Variants in DNAJC16 observed in about 807,000 individuals in gnomAD.
The protein encoded by DNAJC16 is dnaJ homolog subfamily C member 16.
DNAJC16 carries 76 observed loss-of-function variants against 92.7 expected under a neutral mutation model. The ratio of observed to expected loss-of-function variants is 0.82; its 90% CI spans 0.68 to 0.99. The LOEUF (loss-of-function observed/expected upper bound fraction) is 0.99. DNAJC16 is among the 50% of genes least tolerant of loss of function. DNAJC16 has a pLI of 0.00. For missense variants in DNAJC16, 869 were observed against 942.4 expected (o/e 0.92, Z 1.02); for synonymous variants, 328 against 358.7 (o/e 0.91, Z 0.97).
At chr1:15,537,974 G>A (rs113840572) in intron 4 of DNAJC16, among the ~76,000 whole-genome samples, 1,749 of 152,294 alleles carry the variant, frequency 0.011, 40 homozygotes, top group African/African-American at 0.039. Flanking sequence ...GGAAGGTGCA[G>A]GCAGAGCTAC....
At chr1:15,566,022 G>A in intron 12 of DNAJC16, 23 bp downstream of exon 12, 1 of 1,613,488 alleles carries the variant, frequency 6.2e-7, no homozygotes, top group Non-Finnish European at 8.5e-7. Context: ...TGGCTTCTCG[G>A]TGCACCACCA....
rs1244064341 is a variant in DNAJC16 at position 15,540,794 on chromosome 1, T to C, written c.575-3605T>C. On this transcript the variant is annotated intron_variant, in intron 4 of 14. Coordinates refer to ENST00000375847, the MANE Select transcript of DNAJC16 (RefSeq NM_015291.4). ...GCGCTCGGTCTGGTATAACGTATAC[T>C]GAATGGCACAGTTACTAGAAAGGCA... Among the ~76,000 whole-genome samples the C allele has an allele frequency of 2.6e-5, 4 of 152,314 alleles. No homozygotes were observed. In the East Asian group the frequency reaches 5.8e-4, roughly 22 times the overall value.
intron 7 of DNAJC16, among the ~76,000 whole-genome samples, chr1:15,558,423 G>T (rs757162519): frequency 6.6e-6 from 1 of 152,102 alleles, no homozygotes; most frequent in Non-Finnish European, 1.5e-5. Flanking sequence ...CTAAGCTCAA[G>T]CAATCCTCCT....
At chr1:15,542,927 C>G (rs1374404149) in intron 4 of DNAJC16, among the ~76,000 whole-genome samples, 1 of 152,210 alleles carries the variant, frequency 6.6e-6, no homozygotes, top group African/African-American at 2.4e-5. Context: ...GAGACCCCAT[C>G]TCTTACACAA....
At chr1:15,530,271 C>T (rs1467504470) in intron 2 of DNAJC16, among the ~76,000 whole-genome samples, 2 of 151,118 alleles carry the variant, frequency 1.3e-5, no homozygotes, top group African/African-American at 4.9e-5. Context: ...AAAAAAAAGC[C>T]CAGAAGTTTG....
intron 7 of DNAJC16, among the ~76,000 whole-genome samples, chr1:15,556,506 G>A (rs1174040529): frequency 6.6e-6 from 1 of 152,198 alleles, no homozygotes; most frequent in Non-Finnish European, 1.5e-5. Flanking sequence ...TTATAGGCGT[G>A]AGCCACCGCG....
intron 10 of DNAJC16, 81 bp from the exon 11 acceptor site, chr1:15,564,202 G>T: frequency 1.3e-6 from 2 of 1,555,256 alleles, no homozygotes; most frequent in Non-Finnish European, 1.8e-6. Flanking sequence ...CAGAGGTCCA[G>T]CAGCAGCACT....
chr1:15,556,319 C>T (rs1638571606), intron 7 of DNAJC16, among the ~76,000 whole-genome samples: 1 of 152,066 alleles, frequency 6.6e-6, no homozygotes, highest in Non-Finnish European at 1.5e-5. Context: ...ACTGCAACCT[C>T]CAACTCCCGG....
chr1:15,531,182 T>G (rs1446245710), intron 2 of DNAJC16, among the ~76,000 whole-genome samples: 1 of 152,162 alleles, frequency 6.6e-6, no homozygotes, highest in Non-Finnish European at 1.5e-5. Context: ...GAGTAGGAAG[T>G]TATCCAGAAG....
At chr1:15,553,338 G>T (rs1638491919) in intron 7 of DNAJC16, among the ~76,000 whole-genome samples, 1 of 151,854 alleles carries the variant, frequency 6.6e-6, no homozygotes. Flanking sequence ...GGGTTCAAGC[G>T]ATTCTCCTGC....
intron 7 of DNAJC16, among the ~76,000 whole-genome samples, chr1:15,553,022 C>T (rs1052393989): frequency 6.6e-5 from 10 of 151,390 alleles, no homozygotes; most frequent in African/African-American, 9.7e-5. Context: ...CGCCCACCTC[C>T]GCCTCCCAAA....
At chr1:15,567,383 T>G in intron 14 of DNAJC16, 114 bp downstream of exon 14, 1 of 1,115,256 alleles carries the variant, frequency 9.0e-7, no homozygotes. Flanking sequence ...TACAGCAAGA[T>G]GCTGGCTGTG....
chr1:15,566,699 A>G (rs1419197022), intron 13 of DNAJC16: 4 of 177,452 alleles, frequency 2.3e-5, no homozygotes, highest in Non-Finnish European at 3.6e-5. Context: ...CTTAGGCAAC[A>G]TGGCAAGACC....
At chr1:15,542,534 CCT>C in intron 4 of DNAJC16, among the ~76,000 whole-genome samples, 1 of 152,274 alleles carries the variant, frequency 6.6e-6, no homozygotes, top group Middle Eastern at 3.4e-3. Flanking sequence ...GGAATGTTCC[CCT>C]GAGTTCTGTG....
intron 7 of DNAJC16, among the ~76,000 whole-genome samples, chr1:15,557,734 GT>G (rs771602188): frequency 2.3e-4 from 33 of 143,582 alleles, no homozygotes; most frequent in East Asian, 6.0e-4. Flanking sequence ...TCTTGTTTTG[GT>G]TTTTTTTTTT....
intron 6 of DNAJC16, among the ~76,000 whole-genome samples, chr1:15,548,006 C>G (rs1336343072): frequency 1.3e-5 from 2 of 152,178 alleles, no homozygotes; most frequent in African/African-American, 4.8e-5. Context: ...AAACTCATGC[C>G]TCCTGACCAG....
chr1:15,564,383 T>A, intron 11 of DNAJC16, 24 bp downstream of exon 11: 1 of 1,481,948 alleles, frequency 6.7e-7, no homozygotes, highest in Non-Finnish European at 9.4e-7. Flanking sequence ...CAGGCTGAAT[T>A]TCTTTTTCTC....
intron 7 of DNAJC16, among the ~76,000 whole-genome samples, chr1:15,548,793 A>G (rs1350444951): frequency 2.0e-5 from 3 of 152,198 alleles, no homozygotes; most frequent in African/African-American, 7.2e-5. Context: ...GTTAAAAAGC[A>G]TTGGGGAAAA....
intron 7 of DNAJC16, among the ~76,000 whole-genome samples, chr1:15,554,732 A>G (rs775686355): frequency 1.3e-5 from 2 of 152,126 alleles, no homozygotes; most frequent in South Asian, 4.1e-4. Context: ...CTGGTGTCTT[A>G]TTGGGTTTAT....
Sources: gnomAD v4.1 joint callset for allele counts (sites outside exome capture counted in the v4.1 genomes callset) on GRCh38, gnomAD v4.1.1 for gene constraint, MANE v1.5 for transcripts, NCBI Gene and HGNC (gene_info 2026-07-23, HGNC 2026-07-21) for gene names.